The following RIN2 variants were observed in gnomAD, a reference collection of about 807,000 sequenced individuals.
The protein encoded by RIN2 is Ras and Rab interactor 2, also known as RAB5 interacting protein 2.
RIN2 carries 36 observed loss-of-function variants against 78.0 expected under a neutral mutation model. The ratio of observed to expected loss-of-function variants is 0.46; its 90% CI spans 0.35 to 0.61. The LOEUF (loss-of-function observed/expected upper bound fraction) is 0.61. Ranked by LOEUF, RIN2 falls within the 20% of genes least tolerant of loss-of-function variation. The pLI is 0.00. For missense variants in RIN2, 1,087 were observed against 1,159.7 expected, an observed-to-expected ratio of 0.94 and a Z score of 0.91; for synonymous variants, 466 against 466.8, an observed-to-expected ratio of 1.00 and a Z score of 0.02.
At chr20:19,810,018 G>A (rs187046725) in intron 2 of RIN2, among the ~76,000 whole-genome samples, 88 of 151,822 alleles carry the variant, frequency 5.8e-4, no homozygotes, top group East Asian at 3.1e-3. Flanking sequence ...GGCAGAAGCC[G>A]GCTGACTGCA....
At chr20:19,773,839 T>C (rs1429919149) in intron 1 of RIN2, among the ~76,000 whole-genome samples, 1 of 151,742 alleles carries the variant, frequency 6.6e-6, no homozygotes, top group African/African-American at 2.4e-5. Context: ...ACAATCACTA[T>C]TAAAATCACA....
chr20:19,992,065 C>A, intron 10 of RIN2, 103 bp from the exon 11 acceptor site: 1 of 1,332,716 alleles, frequency 7.5e-7, no homozygotes, highest in South Asian at 1.5e-5. Flanking sequence ...TAGCACAGTT[C>A]CCCCCAGAGT....
Position 20,001,130 on chromosome 20 carries a change from G to T in RIN2, c.*194G>T. On this transcript the variant is annotated 3_prime_UTR_variant, in exon 13 of 13. Transcript: ENST00000255006. ...GGTAGCTGAGGTTTGTGAAACAGTAGGATTCTCTTTTGGCAATGGAGAATT... is the reference window on the plus strand; with the variant it reads ...GGTAGCTGAGGTTTGTGAAACAGTATGATTCTCTTTTGGCAATGGAGAATT... 1.8e-6 allele frequency: 1 copy of T among 569,726 alleles called. No homozygotes were observed. Among genetic ancestry groups the T allele is most frequent in the South Asian group, 2.5e-5 (1 of 40,732 alleles). 35.3% of individuals were successfully genotyped at this position (569,726 alleles called of 1,614,324 possible).
intron 1 of RIN2, among the ~76,000 whole-genome samples, chr20:19,794,934 C>T (rs893589313): frequency 6.6e-6 from 1 of 152,154 alleles, no homozygotes; most frequent in Non-Finnish European, 1.5e-5. Context: ...AATTTAGAAT[C>T]CTTAAAGGTA....
chr20:19,819,047 T>A (rs34029282), intron 2 of RIN2, among the ~76,000 whole-genome samples: 7,970 of 152,312 alleles, frequency 0.052, 270 homozygotes, highest in Middle Eastern at 0.088. Context: ...CACGTGGGCA[T>A]ACATATAGGG....
chr20:19,827,426 T>C (rs1197186383), intron 2 of RIN2, among the ~76,000 whole-genome samples: 1 of 152,180 alleles, frequency 6.6e-6, no homozygotes, highest in Non-Finnish European at 1.5e-5. Flanking sequence ...CCAAGAGCAA[T>C]CATCTCTCAA....
rs555178640 is a variant in RIN2 at position 19,945,639 on chromosome 20, T to G, written c.158+10440T>G. On this transcript the variant is annotated intron_variant, in intron 4 of 12. Transcript: ENST00000255006. ...GGTGGGCATAGAATTATTGTAATTC[T>G]ACACTAAAGCTCATCACTGACTTTT... Among the ~76,000 whole-genome samples, 3 of 152,358 alleles carry G rather than the reference T, an allele frequency of 2.0e-5. No homozygotes were observed. In the South Asian group the frequency reaches 6.2e-4, roughly 32 times the overall value.
chr20:19,811,675 T>A (rs1159311740), intron 2 of RIN2, among the ~76,000 whole-genome samples: 2 of 152,116 alleles, frequency 1.3e-5, no homozygotes, highest in African/African-American at 4.8e-5. Flanking sequence ...AATGAGATCT[T>A]TTCGTTCATG....
chr20:19,994,775 C>G (rs1000075784), intron 11 of RIN2, among the ~76,000 whole-genome samples: 1 of 152,160 alleles, frequency 6.6e-6, no homozygotes, highest in African/African-American at 2.4e-5. Flanking sequence ...TACTGAGTTT[C>G]ACACACAGTC....
chr20:19,822,146 A>G (rs1211544928), intron 2 of RIN2, among the ~76,000 whole-genome samples: 1 of 152,140 alleles, frequency 6.6e-6, no homozygotes, highest in East Asian at 1.9e-4. Flanking sequence ...ATTTGTTTCT[A>G]GGTGGCTCAC....
At chr20:19,822,505 C>T (rs1027963413) in intron 2 of RIN2, among the ~76,000 whole-genome samples, 2 of 152,178 alleles carry the variant, frequency 1.3e-5, no homozygotes, top group African/African-American at 4.8e-5. Flanking sequence ...TAAATGCTCT[C>T]TTGCTCATCT....
At chr20:19,920,362 A>C (rs1202759940) in intron 3 of RIN2, among the ~76,000 whole-genome samples, 1 of 152,020 alleles carries the variant, frequency 6.6e-6, no homozygotes, top group Non-Finnish European at 1.5e-5. Context: ...TTATTACTGA[A>C]CCTAAAAATG....
intron 3 of RIN2, among the ~76,000 whole-genome samples, chr20:19,920,988 GTTGTTTGTTTGT>G (rs34625955): frequency 6.6e-6 from 1 of 151,492 alleles, no homozygotes; most frequent in Non-Finnish European, 1.5e-5. Context: ...AGTTTTTTGG[GTTGTTTGTTTGT>G]TTGTTTGTTT....
intron 2 of RIN2, among the ~76,000 whole-genome samples, chr20:19,855,192 T>C (rs1352450974): frequency 6.6e-6 from 1 of 152,194 alleles, no homozygotes; most frequent in Non-Finnish European, 1.5e-5. Context: ...TTTATTGATT[T>C]GCGTATGTTG....
At chr20:19,935,021 A>G in intron 3 of RIN2, 78 bp from the exon 4 acceptor site, 1 of 1,018,394 alleles carries the variant, frequency 9.8e-7, no homozygotes. Context: ...CCTATTGAAA[A>G]GCCTGAGTTC....
intron 2 of RIN2, among the ~76,000 whole-genome samples, chr20:19,833,712 C>T (rs1316796058): frequency 6.6e-6 from 1 of 152,194 alleles, no homozygotes; most frequent in Non-Finnish European, 1.5e-5. Flanking sequence ...GGCTGGTGCC[C>T]CACCGTGTTA....
chr20:19,894,007 G>T (rs1342741009), intron 3 of RIN2, among the ~76,000 whole-genome samples: 1 of 152,156 alleles, frequency 6.6e-6, no homozygotes, highest in Non-Finnish European at 1.5e-5. Flanking sequence ...AGGAGATGGA[G>T]GTTGCACTGA....
intron 1 of RIN2, among the ~76,000 whole-genome samples, chr20:19,773,447 G>A (rs2034205600): frequency 6.6e-6 from 1 of 152,170 alleles, no homozygotes; most frequent in African/African-American, 2.4e-5. Context: ...ATTCTCAGCA[G>A]TAAATAGCTA....
chr20:19,967,808 G>C (rs1042796048), intron 7 of RIN2, among the ~76,000 whole-genome samples: 1 of 152,144 alleles, frequency 6.6e-6, no homozygotes, highest in Admixed American at 6.5e-5. Context: ...CTTGTCCTCA[G>C]ACCGGAATAG....
Sources: gnomAD v4.1 joint callset for allele counts (sites outside exome capture counted in the v4.1 genomes callset) on GRCh38, gnomAD v4.1.1 for gene constraint, MANE v1.5 for transcripts, NCBI Gene and HGNC (gene_info 2026-07-23, HGNC 2026-07-21) for gene names.